TENT5D: variants seen among roughly 807,000 people sequenced by gnomAD.
TENT5D encodes cancer/testis antigen 112.
For missense variants in TENT5D, 191 were observed against 287.0 expected (o/e 0.67, Z 2.42); for synonymous variants, 103 against 100.6 (o/e 1.02, Z -0.15).
At chrX:80,406,208 G>C (rs1399870812) in intron 3 of TENT5D, among the ~76,000 whole-genome samples, 1 of 112,267 alleles carries the variant, frequency 8.9e-6, no homozygotes, top group Non-Finnish European at 1.9e-5. Context: ...CTCCTCCAAA[G>C]GAACGCAGTT....
chrX:80,364,704 T>C (rs1198853406), intron 3 of TENT5D, among the ~76,000 whole-genome samples: 1 of 109,619 alleles, frequency 9.1e-6, no homozygotes, highest in East Asian at 2.8e-4. Context: ...TGTATATCTA[T>C]ATATAATATG....
chrX:80,377,382 C>T (rs1233689623), intron 3 of TENT5D, among the ~76,000 whole-genome samples: 2 of 111,059 alleles, frequency 1.8e-5, no homozygotes, highest in Admixed American at 9.6e-5. Flanking sequence ...CTATCCCTCC[C>T]CCATATACCC....
intron 3 of TENT5D, among the ~76,000 whole-genome samples, chrX:80,411,785 A>G (rs181407278): frequency 8.9e-6 from 1 of 112,521 alleles, no homozygotes; most frequent in East Asian, 2.8e-4. Flanking sequence ...ATCTACAAGC[A>G]TTTATTCCAT....
chrX:80,436,977 A>AC (rs768625158), intron 1 of TENT5D, among the ~76,000 whole-genome samples: 1 of 112,049 alleles, frequency 8.9e-6, no homozygotes, highest in African/African-American at 3.2e-5. Context: ...TTGGGTTAGC[A>AC]CAATAAACAA....
chrX:80,409,744 T>C (rs1174270641), intron 3 of TENT5D, among the ~76,000 whole-genome samples: 40 of 107,814 alleles, frequency 3.7e-4, no homozygotes, highest in Admixed American at 5.0e-4. Context: ...TGGAAAAAAC[T>C]ACTTTAAAGT....
intron 3 of TENT5D, among the ~76,000 whole-genome samples, chrX:80,354,069 C>T (rs1194305500): frequency 9.0e-6 from 1 of 111,481 alleles, no homozygotes; most frequent in Non-Finnish European, 1.9e-5. Flanking sequence ...CATATGCTTG[C>T]TGGCCACATG....
intron 3 of TENT5D, among the ~76,000 whole-genome samples, chrX:80,396,473 C>T (rs977702429): frequency 1.8e-5 from 2 of 109,754 alleles, no homozygotes; most frequent in African/African-American, 6.7e-5. Context: ...GTGGTGATGA[C>T]TCTTAACGAG....
chrX:80,385,410 C>A (rs1324326445), intron 3 of TENT5D, among the ~76,000 whole-genome samples: 1 of 111,616 alleles, frequency 9.0e-6, no homozygotes, highest in Non-Finnish European at 1.9e-5. Context: ...ACACCTTATA[C>A]AAAAATCAAT....
intron 3 of TENT5D, among the ~76,000 whole-genome samples, chrX:80,356,576 C>G (rs1353025216): frequency 9.0e-6 from 1 of 111,244 alleles, no homozygotes; most frequent in Admixed American, 9.6e-5. Flanking sequence ...GAACACCCTT[C>G]TTGTTAGATT....
chrX:80,397,172 A>G (rs1931283803), intron 3 of TENT5D, among the ~76,000 whole-genome samples: 1 of 99,939 alleles, frequency 1.0e-5, no homozygotes, highest in Admixed American at 1.1e-4. Context: ...CACTTCTCAG[A>G]TGGGGCGGTT....
intron 2 of TENT5D, 42 bp from the exon 3 acceptor site, chrX:80,442,480 G>T: frequency 1.0e-6 from 1 of 976,810 alleles, no homozygotes; most frequent in Non-Finnish European, 1.4e-6. Flanking sequence ...TTGGTTTTAA[G>T]GTGCTAACAT....
intron 2 of TENT5D, among the ~76,000 whole-genome samples, chrX:80,339,903 A>G (rs1204367113): frequency 9.2e-6 from 1 of 109,212 alleles, no homozygotes; most frequent in African/African-American, 3.3e-5. Context: ...AGAGTTATCA[A>G]AAAGATTGTT....
intron 3 of TENT5D, among the ~76,000 whole-genome samples, chrX:80,397,669 GCAATCC>G (rs1931306403): frequency 8.9e-6 from 1 of 112,102 alleles, no homozygotes; most frequent in Non-Finnish European, 1.9e-5. Flanking sequence ...AGCTCCGTCT[GCAATCC>G]CGGCACCTCG....
At chrX:80,363,453 C>A (rs1423925857) in intron 3 of TENT5D, among the ~76,000 whole-genome samples, 2 of 111,773 alleles carry the variant, frequency 1.8e-5, no homozygotes, top group African/African-American at 6.5e-5. Flanking sequence ...ACAAAGTTAA[C>A]ATTTTGTTCT....
At chrX:80,370,864 CAATAT>C (rs1167541136) in intron 3 of TENT5D, among the ~76,000 whole-genome samples, 1 of 111,204 alleles carries the variant, frequency 9.0e-6, no homozygotes, top group Admixed American at 9.6e-5. Context: ...TATGACAATA[CAATAT>C]GAGGTTTTTA....
At chrX:80,366,167 T>C (rs1239932468) in intron 3 of TENT5D, among the ~76,000 whole-genome samples, 2 of 105,722 alleles carry the variant, frequency 1.9e-5, no homozygotes, top group Non-Finnish European at 3.9e-5. Flanking sequence ...AATAGATCTC[T>C]CTAGTGGTGA....
At chrX:80,369,738 G>A (rs79716248) in intron 3 of TENT5D, among the ~76,000 whole-genome samples, 1 of 111,200 alleles carries the variant, frequency 9.0e-6, no homozygotes, top group African/African-American at 3.3e-5. Flanking sequence ...CAGTATTAGT[G>A]AGATGTGAAA....
chrX:80,345,319 C>A (rs1930036771), intron 3 of TENT5D, among the ~76,000 whole-genome samples: 1 of 111,669 alleles, frequency 9.0e-6, no homozygotes, highest in Non-Finnish European at 1.9e-5. Context: ...AAATGCCAGA[C>A]CATTTCCCCT....
intron 3 of TENT5D, among the ~76,000 whole-genome samples, chrX:80,354,833 C>T (rs935893134): frequency 7.2e-5 from 8 of 111,786 alleles, no homozygotes; most frequent in South Asian, 3.7e-4. Flanking sequence ...TCTGTGTGGG[C>T]GGATGTTCTT....
Sources: gnomAD v4.1 joint callset for allele counts (sites outside exome capture counted in the v4.1 genomes callset) on GRCh38, gnomAD v4.1.1 for gene constraint, MANE v1.5 for transcripts, NCBI Gene and HGNC (gene_info 2026-07-23, HGNC 2026-07-21) for gene names.